N4BP2: variants seen among roughly 807,000 people sequenced by gnomAD.
N4BP2 encodes NEDD4-binding protein 2.
A neutral mutation model predicts 152.8 loss-of-function variants in N4BP2; 91 were observed. The ratio of observed to expected loss-of-function variants is 0.60; its 90% CI spans 0.50 to 0.71. N4BP2 has a LOEUF of 0.71. N4BP2 is among the 30% of genes least tolerant of loss of function. The pLI, the probability that N4BP2 is intolerant of heterozygous loss-of-function variation, is 0.00. For synonymous variants in N4BP2, 646 were observed against 705.3 expected (o/e 0.92, Z 1.33); for missense variants, 1,923 against 2,059.1 (o/e 0.93, Z 1.28).
chr4:40,155,006 G>C lies in N4BP2; in HGVS notation c.*769G>C, dbSNP rs1481571941. 2 of 152,214 alleles carry C rather than the reference G, an allele frequency of 1.3e-5. No individual in the cohort carries two copies. The highest frequency in any genetic ancestry group is 4.8e-5 in the African/African-American group (2 of 41,448). 9.4% of individuals were successfully genotyped at this position (152,214 alleles called of 1,614,324 possible). On this transcript the variant is annotated 3_prime_UTR_variant, in exon 18 of 18. Transcript: ENST00000261435. The stretch of plus-strand genomic sequence containing the variant: ...AACTGTCTGTATAAGTCGTATTTCA[G>C]ACAGTACTAAATACTTATATTTTAT...
chr4:40,071,837 A>T (rs1712217992), intron 1 of N4BP2, among the ~76,000 whole-genome samples: 1 of 152,114 alleles, frequency 6.6e-6, no homozygotes, highest in African/African-American at 2.4e-5. Flanking sequence ...AAGTGCTGGG[A>T]TTATAGGTGT....
intron 12 of N4BP2, among the ~76,000 whole-genome samples, chr4:40,128,955 C>T (rs997009909): frequency 4.6e-5 from 7 of 152,214 alleles, no homozygotes; most frequent in Admixed American, 3.9e-4. Flanking sequence ...TCTACCCTCC[C>T]TTTAATATCT....
intron 8 of N4BP2, among the ~76,000 whole-genome samples, chr4:40,118,766 C>A (rs945019969): frequency 6.6e-6 from 1 of 152,208 alleles, no homozygotes; most frequent in Non-Finnish European, 1.5e-5. Flanking sequence ...TAACAGTACA[C>A]TTTTACCAAG....
chr4:40,064,673 A>G (rs1252886189), intron 1 of N4BP2, among the ~76,000 whole-genome samples: 2 of 152,208 alleles, frequency 1.3e-5, no homozygotes, highest in Non-Finnish European at 2.9e-5. Context: ...AGGTGCTAAG[A>G]TAGATGTCTA....
At chr4:40,174,777 G>T in the N4BP2 span, among the ~76,000 whole-genome samples, 1 of 152,068 alleles carries the variant, frequency 6.6e-6, no homozygotes, top group Non-Finnish European at 1.5e-5. Flanking sequence ...ACTCCAGTCT[G>T]GGCGACAGAG....
At chr4:40,164,954 G>A in the N4BP2 span, among the ~76,000 whole-genome samples, 1 of 152,130 alleles carries the variant, frequency 6.6e-6, no homozygotes, top group Non-Finnish European at 1.5e-5. Context: ...AGAGTAAGAA[G>A]AGCTCACTGT....
the N4BP2 span, among the ~76,000 whole-genome samples, chr4:40,172,066 C>G: frequency 6.6e-6 from 1 of 152,134 alleles, no homozygotes; most frequent in African/African-American, 2.4e-5. Context: ...GCCACCACAC[C>G]TGGCTAATTT....
chr4:40,120,211 C>A lies in N4BP2; in HGVS notation c.2100C>A (p.Asn700Lys), dbSNP rs61748747. The A allele has an allele frequency of 6.2e-7, 1 of 1,613,666 alleles. No individual in the cohort carries two copies. The highest frequency in any genetic ancestry group is 1.7e-5 in the Admixed American group (1 of 60,008). ...TACAGGCAACAGACAAAAGTGAAAA[C>A]GAGCAAATAGAAATGGTGGCTGTAA... ...SKLQATDKSE[N>K]EQIEMVAVKG... is the part of the protein sequence containing the mutation. The change falls in exon 9 of 18, where the codon AAC (asparagine) becomes AAA (lysine). Residue 700 changes from asparagine (N) to lysine (K), a missense_variant. Physicochemically the swap from Asn to Lys is moderately conservative, Grantham distance 94 (BLOSUM62 0). Coordinates refer to ENST00000261435, the MANE Select transcript of N4BP2 (RefSeq NM_018177.6).
At chr4:40,170,073 A>G in the N4BP2 span, among the ~76,000 whole-genome samples, 1 of 152,204 alleles carries the variant, frequency 6.6e-6, no homozygotes, top group East Asian at 1.9e-4. Context: ...CTGAAAAAAG[A>G]GAAACGTCTT....
At chr4:40,099,497 G>A (rs1261813422) in intron 3 of N4BP2, among the ~76,000 whole-genome samples, 1 of 151,908 alleles carries the variant, frequency 6.6e-6, no homozygotes, top group African/African-American at 2.4e-5. Context: ...TGATCCACAC[G>A]CCTCAGCCTC....
chr4:40,168,228 TATCA>T, the N4BP2 span, among the ~76,000 whole-genome samples: 1 of 152,118 alleles, frequency 6.6e-6, no homozygotes, highest in Non-Finnish European at 1.5e-5. Context: ...AAATGAAGAA[TATCA>T]GTGATTATAT....
chr4:40,136,664 A>C (rs1719435444), intron 13 of N4BP2, among the ~76,000 whole-genome samples: 1 of 152,242 alleles, frequency 6.6e-6, no homozygotes, highest in African/African-American at 2.4e-5. Flanking sequence ...CTGGGATTAC[A>C]GGCGTGAGCT....
intron 1 of N4BP2, among the ~76,000 whole-genome samples, chr4:40,068,998 T>C (rs975560908): frequency 6.6e-6 from 1 of 151,886 alleles, no homozygotes; most frequent in African/African-American, 2.4e-5. Context: ...CGGGCGCCTG[T>C]AATCCTAGCT....
At chr4:40,144,587 T>C (rs775405222) in intron 15 of N4BP2, 45 bp from the exon 16 acceptor site, 3 of 1,497,816 alleles carry the variant, frequency 2.0e-6, no homozygotes, top group South Asian at 2.7e-5. Flanking sequence ...ATCACCCAAG[T>C]AGCAAACAGC....
chr4:40,107,500 C>T lies in N4BP2; in HGVS notation c.1498+476C>T, dbSNP rs112864446. On this transcript the variant is annotated intron_variant, in intron 5 of 17. Transcript: ENST00000261435. ...CTGGGTTCAAGTGATTCTTCTGCCT[C>T]AGCTTCCTGAGTAGCTGGGATTACA... 4.1e-3 allele frequency among the ~76,000 whole-genome samples: 621 copies of T among 152,086 alleles called. 8 individuals are homozygous for T. Among genetic ancestry groups the T allele is most frequent in the African/African-American group, 0.014 (592 of 41,482 alleles).
Position 40,102,782 on chromosome 4 carries a change from C to T in N4BP2, c.937C>T (p.Arg313Trp), listed in dbSNP as rs868556240. Residue 313 changes from arginine (R) to tryptophan (W), a missense_variant, in exon 4 of 18, where the codon CGG becomes TGG. Coordinates refer to ENST00000261435, the MANE Select transcript of N4BP2 (RefSeq NM_018177.6). ...TACAGGTGGGGATCAGAAATCTACT[C>T]GGGTCTCTGATGTGTTTCTACCTTC... ...PGTGGDQKST[R>W]VSDVFLPSEG... 1.5e-5 allele frequency: 25 copies of T among 1,614,086 alleles called. No homozygotes were observed. The East Asian group carries it at 1.6e-4, about 10-fold the overall frequency.
In N4BP2 at chr4:40,078,145, G is replaced by GTGTA. The variant is rs1553918718; in HGVS notation, c.-115+4598_-115+4601dup. On this transcript the variant is annotated intron_variant, in intron 2 of 17. Coordinates refer to ENST00000261435, the MANE Select transcript of N4BP2 (RefSeq NM_018177.6). The stretch of plus-strand genomic sequence containing the variant: ...TGTGTGTGTGTGTGTGTGTGTGTGT[G>GTGTA]TGTATGTGTGTATTTATTATTATTA... Among the ~76,000 whole-genome samples, 10 of 150,708 alleles carry GTGTA rather than the reference G, an allele frequency of 6.6e-5. No individual in the cohort carries two copies. In the East Asian group the frequency reaches 1.2e-3, roughly 18 times the overall value.
chr4:40,170,300 G>A, the N4BP2 span, among the ~76,000 whole-genome samples: 2 of 152,094 alleles, frequency 1.3e-5, no homozygotes, highest in Non-Finnish European at 2.9e-5. Flanking sequence ...AAAAGAAAAT[G>A]AATTAGGTAG....
chr4:40,111,363 C>T (rs980796033), intron 5 of N4BP2, among the ~76,000 whole-genome samples: 4 of 152,160 alleles, frequency 2.6e-5, no homozygotes, highest in Non-Finnish European at 5.9e-5. Context: ...CTCTGTCACC[C>T]AGGCTGGAGT....
Sources: gnomAD v4.1 joint callset for allele counts (sites outside exome capture counted in the v4.1 genomes callset) on GRCh38, gnomAD v4.1.1 for gene constraint, MANE v1.5 for transcripts, NCBI Gene and HGNC (gene_info 2026-07-23, HGNC 2026-07-21) for gene names.